The following CASQ2 variants were observed in gnomAD, a reference collection of about 807,000 sequenced individuals.
The protein encoded by CASQ2 is calsequestrin 2.
Under a neutral mutation model 46.5 loss-of-function variants are expected in CASQ2, and 49 were observed. That is an observed-to-expected ratio of 1.05 (90% CI 0.84 to 1.34). The LOEUF (loss-of-function observed/expected upper bound fraction) is 1.34, where lower values mean the gene tolerates loss of function less well. CASQ2 is among the 40% of genes most tolerant of loss of function. The pLI, the probability that CASQ2 is intolerant of heterozygous loss-of-function variation, is 0.00. For missense variants in CASQ2, 486 were observed against 481.3 expected, an observed-to-expected ratio of 1.01 and a Z score of -0.09; for synonymous variants, 174 against 168.5, an observed-to-expected ratio of 1.03 and a Z score of -0.25.
intron 1 of CASQ2, among the ~76,000 whole-genome samples, chr1:115,761,423 GA>G (rs1648934145): frequency 6.1e-4 from 1 of 1,648 alleles, no homozygotes; most frequent in African/African-American, 5.4e-3. Context: ...AGAAGAAGAA[GA>G]AGAAGAAGAA....
chr1:115,747,662 A>G (rs1233735885), intron 1 of CASQ2, among the ~76,000 whole-genome samples: 1 of 152,194 alleles, frequency 6.6e-6, no homozygotes, highest in African/African-American at 2.4e-5. Context: ...AGCATTGTAT[A>G]GTTTTCAGCC....
At chr1:115,753,594 A>C (rs1482363580) in intron 1 of CASQ2, among the ~76,000 whole-genome samples, 2 of 152,098 alleles carry the variant, frequency 1.3e-5, no homozygotes, top group Non-Finnish European at 2.9e-5. Context: ...CAGAGGCGAG[A>C]GGGGCGCCCT....
chr1:115,725,801 C>A (rs1260441225), intron 6 of CASQ2, among the ~76,000 whole-genome samples: 1 of 152,130 alleles, frequency 6.6e-6, no homozygotes, highest in Non-Finnish European at 1.5e-5. Flanking sequence ...ATTATAAAGT[C>A]TTTTACAAAC....
intron 8 of CASQ2, among the ~76,000 whole-genome samples, chr1:115,708,079 G>T (rs370136156): frequency 1.3e-5 from 2 of 152,254 alleles, no homozygotes; most frequent in African/African-American, 4.8e-5. Context: ...TACCTACTAC[G>T]TTCCTATTTG....
intron 1 of CASQ2, among the ~76,000 whole-genome samples, chr1:115,764,385 G>A (rs1404861466): frequency 1.3e-5 from 2 of 152,112 alleles, no homozygotes; most frequent in South Asian, 4.2e-4. Flanking sequence ...ATTGAAAAAT[G>A]TATATTTATG....
chr1:115,740,794 C>G lies in CASQ2; in HGVS notation c.354G>C (p.Lys118Asn). 6.2e-7 allele frequency: 1 copy of G among 1,613,552 alleles called. No individual in the cohort carries two copies. The highest frequency in any genetic ancestry group is 8.5e-7 in the Non-Finnish European group (1 of 1,179,574). The change falls in exon 3 of 11, where the codon AAG becomes AAC. Residue 118 changes from lysine to asparagine, a missense_variant. Physicochemically the swap from Lys to Asn is moderately conservative, Grantham distance 94. Coordinates refer to ENST00000261448, the MANE Select transcript of CASQ2 (RefSeq NM_001232.4). ...FDEEGSLYILKGDRTIEFDGE... is the reference protein window; with the variant it reads ...FDEEGSLYILNGDRTIEFDGE... ...CATCAAACTCTATTGTGCGATCACC[C>G]TTAAGAATATACAGGCTTCCTTCTT...
chr1:115,720,818 TG>T (rs1164104473), intron 7 of CASQ2, among the ~76,000 whole-genome samples: 2 of 152,316 alleles, frequency 1.3e-5, no homozygotes, highest in East Asian at 3.9e-4. Flanking sequence ...AGGACAGCAA[TG>T]TTAGCTTTTA....
intron 5 of CASQ2, among the ~76,000 whole-genome samples, chr1:115,728,966 T>G (rs1396097742): frequency 1.3e-5 from 2 of 151,976 alleles, no homozygotes; most frequent in African/African-American, 4.8e-5. Context: ...CAGGGATCTC[T>G]TCACTGTCTA....
intron 5 of CASQ2, among the ~76,000 whole-genome samples, chr1:115,731,723 G>GA (rs1183116081): frequency 1.3e-5 from 2 of 152,080 alleles, no homozygotes; most frequent in South Asian, 2.1e-4. Flanking sequence ...ACATGATCAT[G>GA]AAAAAATCAC....
At chr1:115,763,169 C>T (rs543136071) in intron 1 of CASQ2, among the ~76,000 whole-genome samples, 1 of 152,240 alleles carries the variant, frequency 6.6e-6, no homozygotes, top group South Asian at 2.1e-4. Flanking sequence ...AAAAATCCAA[C>T]CCATGTCTCC....
chr1:115,764,726 G>T (rs1346034246), intron 1 of CASQ2, among the ~76,000 whole-genome samples: 1 of 152,178 alleles, frequency 6.6e-6, no homozygotes, highest in East Asian at 1.9e-4. Context: ...TCCAGAGCTG[G>T]ACTCTGGCCA....
rs1310324395 is a variant in CASQ2 at position 115,744,715 on chromosome 1, T to C, written c.319+113A>G. The C allele has an allele frequency of 2.0e-5, 15 of 741,304 alleles. No individual in the cohort carries two copies. In the East Asian group the frequency reaches 4.0e-4, roughly 20 times the overall value. 45.9% of individuals were successfully genotyped at this position (741,304 alleles called of 1,614,324 possible). A position where few individuals can be genotyped will look rare whatever the true frequency, so the allele number is the denominator to read the frequency against. The stretch of plus-strand genomic sequence containing the variant: ...AAGATGAAGGTATGCAGGATCATTT[T>C]ATATATTTTAAAAGATAGTCCGCTT... On this transcript the variant is annotated intron_variant, in intron 2 of 10. Coordinates refer to ENST00000261448, the MANE Select transcript of CASQ2 (RefSeq NM_001232.4).
chr1:115,725,539 C>T lies in CASQ2; in HGVS notation c.752G>A (p.Arg251His), dbSNP rs200265771. ...TTCAAACATTTCTTCTGGGCGCAGG[C>T]GACGTAGAGTGGGTCTGGAAAAAAA... The part of the protein sequence containing the change: ...VKEHQRPTLR[R>H]LRPEEMFETW... The change falls in exon 7 of 11, where the codon CGC becomes CAC. Residue 251 changes from arginine (R) to histidine (H), a missense_variant. Physicochemically the swap from Arg to His is conservative, Grantham distance 29. Coordinates refer to ENST00000261448, the MANE Select transcript of CASQ2 (RefSeq NM_001232.4). 42 of 1,420,292 alleles carry T rather than the reference C, an allele frequency of 3.0e-5. No individual in the cohort carries two copies. Among genetic ancestry groups the T allele is most frequent in the Admixed American group, 1.3e-4 (7 of 53,880 alleles). 88.0% of individuals were successfully genotyped at this position (1,420,292 alleles called of 1,614,324 possible). A position where few individuals can be genotyped will look rare whatever the true frequency, so the allele number is the denominator to read the frequency against.
chr1:115,708,954 C>T (rs556142224), intron 8 of CASQ2, among the ~76,000 whole-genome samples: 11 of 152,304 alleles, frequency 7.2e-5, no homozygotes, highest in Admixed American at 2.0e-4. Context: ...GGTGAGACCA[C>T]GAGAACCGTG....
At chr1:115,712,507 T>C (rs1209715405) in intron 8 of CASQ2, among the ~76,000 whole-genome samples, 1 of 152,180 alleles carries the variant, frequency 6.6e-6, no homozygotes, top group Non-Finnish European at 1.5e-5. Context: ...TTTAACTTCT[T>C]CGTCCCTGTA....
chr1:115,723,305 T>TTATCTATCTATC (rs58680506), intron 7 of CASQ2, among the ~76,000 whole-genome samples: 16,915 of 148,744 alleles, frequency 0.11, 1,288 homozygotes, highest in African/African-American at 0.19. Flanking sequence ...ATCTATCTAT[T>TTATCTATCTATC]TATCTATCTA....
chr1:115,711,307 G>A (rs536979873), intron 8 of CASQ2, among the ~76,000 whole-genome samples: 7 of 152,278 alleles, frequency 4.6e-5, no homozygotes, highest in South Asian at 2.1e-4. Flanking sequence ...ATAAACGGCC[G>A]GGGCTGGAAC....
chr1:115,739,062 T>TA (rs200899762), intron 3 of CASQ2, among the ~76,000 whole-genome samples: 4,116 of 82,822 alleles, frequency 0.05, 88 homozygotes, highest in Non-Finnish European at 0.075. Flanking sequence ...TTTTCTTTTT[T>TA]TAAAAAAAAA....
chr1:115,747,401 G>A (rs556918856), intron 1 of CASQ2, among the ~76,000 whole-genome samples: 175 of 152,206 alleles, frequency 1.1e-3, no homozygotes, highest in Middle Eastern at 3.4e-3. Context: ...TCTGAAAGCA[G>A]GTAGACTATC....
Sources: allele counts gnomAD v4.1 joint callset (sites outside exome capture counted in the v4.1 genomes callset), GRCh38; gene constraint gnomAD v4.1.1; transcripts MANE v1.5; gene names NCBI Gene and HGNC (gene_info 2026-07-23, HGNC 2026-07-21).